DPP6: variants seen among roughly 807,000 people sequenced by gnomAD.
The protein encoded by DPP6 is dipeptidyl peptidase like 6.
DPP6 carries 69 observed loss-of-function variants against 122.6 expected under a neutral mutation model. The observed-to-expected ratio is 0.56, with a 90% CI of 0.46 to 0.69. The LOEUF is 0.69. Among genes scored for constraint, DPP6 ranks in the 30% least tolerant of loss-of-function variants. The pLI is 0.00. For synonymous variants in DPP6, 418 were observed against 433.1 expected, an observed-to-expected ratio of 0.97 and a Z score of 0.43; for missense variants, 928 against 1,116.9, an observed-to-expected ratio of 0.83 and a Z score of 2.41.
chr7:153,989,447 G>C (rs957361913), intron 1 of DPP6, among the ~76,000 whole-genome samples: 2 of 151,404 alleles, frequency 1.3e-5, no homozygotes, highest in Admixed American at 6.6e-5. Context: ...ATTTGAGGAG[G>C]GGCTCGGAGG....
intron 1 of DPP6, among the ~76,000 whole-genome samples, chr7:154,438,469 C>CTAAAAA (rs1819076813): frequency 2.7e-5 from 1 of 37,464 alleles, no homozygotes; most frequent in Non-Finnish European, 4.8e-5. Context: ...GACTCCAACT[C>CTAAAAA]AAAAAAAAAA....
chr7:154,235,357 C>T (rs767210971), intron 1 of DPP6, among the ~76,000 whole-genome samples: 23 of 152,206 alleles, frequency 1.5e-4, no homozygotes, highest in Non-Finnish European at 3.1e-4. Context: ...GTGCTTCATG[C>T]CTTTCTATTG....
intron 10 of DPP6, among the ~76,000 whole-genome samples, chr7:154,787,234 G>T (rs537845372): frequency 1.3e-5 from 2 of 152,146 alleles, no homozygotes; most frequent in East Asian, 3.8e-4. Context: ...CACACTACCC[G>T]TAGGTAACTA....
At position 154,227,058 on chromosome 7, in the gene DPP6, A is replaced by G. The variant is rs183497080; in HGVS notation, c.243+173995A>G. On this transcript the variant is annotated intron_variant, in intron 1 of 25. Coordinates refer to ENST00000377770, the MANE Select transcript of DPP6 (RefSeq NM_130797.4). Reference sequence around the variant, plus strand: ...TCAAAAATAGATTACAATATGTTCCAATAATTCCACTTCTGGGTATTTCTC... The same window carrying G: ...TCAAAAATAGATTACAATATGTTCCGATAATTCCACTTCTGGGTATTTCTC... 3.1e-3 allele frequency among the ~76,000 whole-genome samples: 477 copies of G among 152,332 alleles called. 6 individuals carry two copies. Among genetic ancestry groups the G allele is most frequent in the African/African-American group, 0.011 (464 of 41,570 alleles).
rs79502190 is a variant in DPP6 at position 153,923,198 on chromosome 7, T to C, written c.51+35464T>C. Among the ~76,000 whole-genome samples, 163 of 152,286 alleles carry C rather than the reference T, an allele frequency of 1.1e-3. 3 individuals carry two copies. The East Asian group carries it at 0.027, about 25-fold the overall frequency. ...CAGGCACTGAACACCTAGGAGACCATCCTTAGAATCCCAGTCTCTTTATGT... is the reference window on the plus strand; with the variant it reads ...CAGGCACTGAACACCTAGGAGACCACCCTTAGAATCCCAGTCTCTTTATGT... On this transcript the variant is annotated intron_variant, in intron 1 of 25. Transcript: ENST00000404039.
At chr7:154,356,403 C>T (rs1294169571) in intron 1 of DPP6, among the ~76,000 whole-genome samples, 1 of 152,112 alleles carries the variant, frequency 6.6e-6, no homozygotes, top group African/African-American at 2.4e-5. Flanking sequence ...AGCTGGGTTA[C>T]CTTAAAAGTT....
In DPP6 at chr7:154,883,195, G is replaced by A. The variant is rs893572502; in HGVS notation, c.2133+2253G>A. Among the ~76,000 whole-genome samples, 7 of 112,196 alleles carry A rather than the reference G, an allele frequency of 6.2e-5. No homozygotes were observed. The East Asian group carries it at 1.1e-3, about 17-fold the overall frequency. 73.6% of individuals were successfully genotyped at this position (112,196 alleles called of 152,430 possible). The stretch of plus-strand genomic sequence containing the variant: ...CACATACACAAATGCTCACATACAC[G>A]CTCACACATACACACACATGCTCAC... On this transcript the variant is annotated intron_variant, in intron 21 of 25. Transcript: ENST00000377770.
In DPP6 at chr7:154,760,825, C is replaced by T. The variant is rs1258880951; in HGVS notation, c.884-8592C>T. 7.1e-6 allele frequency among the ~76,000 whole-genome samples: 1 copy of T among 140,228 alleles called. No homozygotes were observed. The highest frequency in any genetic ancestry group is 1.5e-5 in the Non-Finnish European group (1 of 65,594). 92.0% of individuals were successfully genotyped at this position (140,228 alleles called of 152,430 possible). ...AGCCTGGCATACTGGCTCAGCCTTC[C>T]TCTTTCAAAACTTTTGTTTTTTTTT... On this transcript the variant is annotated intron_variant, in intron 8 of 25. Coordinates refer to ENST00000377770, the MANE Select transcript of DPP6 (RefSeq NM_130797.4). This position sits in a 1 kb window ranked among gnomAD's most constrained non-coding sequence, Gnocchi z 4.5.
chr7:154,246,519 T>C (rs981179032), intron 1 of DPP6, among the ~76,000 whole-genome samples: 2 of 152,138 alleles, frequency 1.3e-5, no homozygotes, highest in Admixed American at 1.3e-4. Flanking sequence ...AACAAGGTGG[T>C]AGAAATTGAC....
intron 1 of DPP6, among the ~76,000 whole-genome samples, chr7:154,418,087 T>C (rs2151220615): frequency 6.6e-6 from 1 of 152,316 alleles, no homozygotes; most frequent in South Asian, 2.1e-4. Flanking sequence ...AGTCTTTGTC[T>C]CCTAATTTTC....
intron 2 of DPP6, among the ~76,000 whole-genome samples, chr7:154,456,162 G>A (rs1820811773): frequency 6.6e-6 from 1 of 152,140 alleles, no homozygotes; most frequent in South Asian, 2.1e-4. Flanking sequence ...AGCAGGTCGG[G>A]GAACTAGGAA....
Position 154,036,560 on chromosome 7 carries a change from C to T in DPP6, c.51+148826C>T, listed in dbSNP as rs574821357. On this transcript the variant is annotated intron_variant, in intron 1 of 25. Transcript: ENST00000404039. Reference sequence around the variant, plus strand: ...GCTGGGTCTAATCATTCCTGGGCAACTGAGATACAGAAGGAGCCCCAGCTC... The same window carrying T: ...GCTGGGTCTAATCATTCCTGGGCAATTGAGATACAGAAGGAGCCCCAGCTC... Among the ~76,000 whole-genome samples, 4 of 151,624 alleles carry T rather than the reference C, an allele frequency of 2.6e-5. No individual in the cohort carries two copies. The South Asian group carries it at 6.2e-4, about 24-fold the overall frequency.
At chr7:154,056,399 G>A (rs1800822109) in intron 1 of DPP6, among the ~76,000 whole-genome samples, 1 of 152,236 alleles carries the variant, frequency 6.6e-6, no homozygotes, top group African/African-American at 2.4e-5. Flanking sequence ...GTGACTTTTA[G>A]TGGAATGTAT....
At chr7:154,804,219 G>A (rs1798556264) in intron 14 of DPP6, among the ~76,000 whole-genome samples, 1 of 152,212 alleles carries the variant, frequency 6.6e-6, no homozygotes, top group Admixed American at 6.5e-5. Flanking sequence ...GCAGTAGTAG[G>A]GGTAGTACTG....
chr7:154,385,230 A>G (rs921461247), intron 1 of DPP6, among the ~76,000 whole-genome samples: 45 of 151,632 alleles, frequency 3.0e-4, no homozygotes, highest in African/African-American at 1.0e-3. Flanking sequence ...CGGCCTCCCA[A>G]TTTTTTTTCT....
intron 4 of DPP6, among the ~76,000 whole-genome samples, chr7:154,545,924 T>C (rs1321526232): frequency 6.6e-6 from 1 of 152,218 alleles, no homozygotes. Flanking sequence ...AAGATTTATA[T>C]AGTCATTCAT....
chr7:154,568,909 G>C (rs1174193778), intron 5 of DPP6, among the ~76,000 whole-genome samples: 1 of 152,128 alleles, frequency 6.6e-6, no homozygotes, highest in African/African-American at 2.4e-5. Flanking sequence ...ATCCTTAATA[G>C]TTTTCAGCAC....
intron 7 of DPP6, among the ~76,000 whole-genome samples, chr7:154,693,426 C>T (rs1375568544): frequency 6.6e-6 from 1 of 152,130 alleles, no homozygotes; most frequent in Non-Finnish European, 1.5e-5. Flanking sequence ...TCATTTTGCT[C>T]ACATTTTGGA....
At chr7:154,185,625 C>T (rs974604966) in intron 1 of DPP6, among the ~76,000 whole-genome samples, 1 of 152,094 alleles carries the variant, frequency 6.6e-6, no homozygotes, top group Admixed American at 6.6e-5. Context: ...CGTTAGAAAT[C>T]ACTTTAGTAG....
Sources: gnomAD v4.1 joint callset for allele counts (sites outside exome capture counted in the v4.1 genomes callset) on GRCh38, gnomAD v4.1.1 for gene constraint, Gnocchi (gnomAD v3.1) non-coding constraint, MANE v1.5 for transcripts, NCBI Gene and HGNC (gene_info 2026-07-23, HGNC 2026-07-21) for gene names.